The following SGIP1 variants were observed in gnomAD, a reference collection of about 807,000 sequenced individuals.
SGIP1 encodes the protein SH3-containing GRB2-like protein 3-interacting protein 1.
In SGIP1, 38 loss-of-function variants were observed where a neutral mutation model predicts 107.5. The ratio of observed to expected loss-of-function variants is 0.35; its 90% CI spans 0.27 to 0.46. The LOEUF (loss-of-function observed/expected upper bound fraction) is 0.46. Among genes scored for constraint, SGIP1 ranks in the 20% least tolerant of loss-of-function variants. The pLI is 1.00. For synonymous variants in SGIP1, 365 were observed against 366.1 expected (o/e 1.00, Z 0.03); for missense variants, 929 against 1,019.5 (o/e 0.91, Z 1.21).
intron 1 of SGIP1, among the ~76,000 whole-genome samples, chr1:66,550,060 C>CT (rs926052766): frequency 6.6e-6 from 1 of 152,130 alleles, no homozygotes; most frequent in African/African-American, 2.4e-5. Flanking sequence ...CCACTCTGCT[C>CT]TATAAGCACC....
chr1:66,559,130 T>A (rs900058716), intron 1 of SGIP1, among the ~76,000 whole-genome samples: 1 of 152,120 alleles, frequency 6.6e-6, no homozygotes, highest in African/African-American at 2.4e-5. Flanking sequence ...TGGGCAATGC[T>A]TCTTCAAATT....
intron 1 of SGIP1, among the ~76,000 whole-genome samples, chr1:66,619,361 G>T (rs17129189): frequency 0.012 from 1,900 of 152,342 alleles, 56 homozygotes; most frequent in Admixed American, 0.066. Context: ...GGTGAGTAAG[G>T]AAGGTGGGTA....
chr1:66,617,824 C>T (rs1285646498), intron 1 of SGIP1, among the ~76,000 whole-genome samples: 2 of 151,930 alleles, frequency 1.3e-5, no homozygotes, highest in African/African-American at 2.4e-5. Context: ...CTAAAAATAT[C>T]TCTCCATTTT....
At chr1:66,664,739 GT>G (rs2082180850) in intron 8 of SGIP1, among the ~76,000 whole-genome samples, 1 of 152,160 alleles carries the variant, frequency 6.6e-6, no homozygotes, top group African/African-American at 2.4e-5. Context: ...CCTAGTTTTG[GT>G]TTTGGGAGGT....
At chr1:66,568,685 C>T (rs902308269) in intron 1 of SGIP1, among the ~76,000 whole-genome samples, 3 of 151,760 alleles carry the variant, frequency 2.0e-5, no homozygotes, top group Non-Finnish European at 2.9e-5. Context: ...AAGCAGGCTT[C>T]ATCCCTGGGA....
chr1:66,549,145 T>G (rs141284691), intron 1 of SGIP1, among the ~76,000 whole-genome samples: 18,955 of 78,898 alleles, frequency 0.24, 1,353 homozygotes, highest in East Asian at 0.48. Flanking sequence ...CTGCCTTCCT[T>G]CCTTCCTTCC....
chr1:66,623,726 G>A (rs2071838209), intron 1 of SGIP1, among the ~76,000 whole-genome samples: 1 of 152,192 alleles, frequency 6.6e-6, no homozygotes, highest in African/African-American at 2.4e-5. Context: ...AAGGTGTGCA[G>A]ATTCTTTCGT....
rs1481315098 is a variant in SGIP1 at position 66,746,273 on chromosome 1, T to C, written c.*3178T>C. The C allele has an allele frequency of 1.3e-5, 2 of 152,210 alleles. No individual in the cohort carries two copies. Among genetic ancestry groups the C allele is most frequent in the African/African-American group, 4.8e-5 (2 of 41,464 alleles). The allele number at this position is 152,210 out of a possible 1,614,324, so 9.4% of individuals were successfully genotyped here. On this transcript the variant is annotated 3_prime_UTR_variant, in exon 25 of 25. Transcript: ENST00000371037. Reference sequence around the variant, plus strand: ...TAGAATGGGGAGTTGGGATTGCCAGTGGTTTTCAAGCTTTTCTTAACAGCA... The same window carrying C: ...TAGAATGGGGAGTTGGGATTGCCAGCGGTTTTCAAGCTTTTCTTAACAGCA...
chr1:66,725,659 T>A (rs1157564947), intron 19 of SGIP1, among the ~76,000 whole-genome samples: 2 of 152,204 alleles, frequency 1.3e-5, no homozygotes, highest in Non-Finnish European at 2.9e-5. Flanking sequence ...AAGCAAAATA[T>A]ATAAAACAAT....
intron 15 of SGIP1, among the ~76,000 whole-genome samples, chr1:66,686,877 C>T (rs988896201): frequency 7.9e-5 from 12 of 152,282 alleles, no homozygotes; most frequent in South Asian, 4.1e-4. Flanking sequence ...ATCATCATCA[C>T]GGGTATCTAC....
chr1:66,631,082 AG>A (rs2074522596), intron 2 of SGIP1, among the ~76,000 whole-genome samples: 1 of 143,508 alleles, frequency 7.0e-6, no homozygotes, highest in Non-Finnish European at 1.5e-5. Context: ...AAAGAAAGAA[AG>A]AAAGAAAGAA....
At chr1:66,565,236 C>G (rs758138160) in intron 1 of SGIP1, among the ~76,000 whole-genome samples, 7 of 151,974 alleles carry the variant, frequency 4.6e-5, no homozygotes, top group Non-Finnish European at 1.0e-4. Flanking sequence ...AACTTGTAAC[C>G]AAATTTATTG....
intron 7 of SGIP1, among the ~76,000 whole-genome samples, chr1:66,652,700 C>G (rs904148038): frequency 1.3e-5 from 2 of 151,944 alleles, no homozygotes; most frequent in Admixed American, 1.3e-4. Flanking sequence ...AACACCACCC[C>G]CTTTCCTGTC....
chr1:66,645,831 T>C (rs1386063110), intron 7 of SGIP1, among the ~76,000 whole-genome samples: 3 of 152,106 alleles, frequency 2.0e-5, no homozygotes, highest in African/African-American at 7.2e-5. Context: ...TAGATATAGA[T>C]ATAGATAGTT....
chr1:66,554,411 C>A (rs2057880851), intron 1 of SGIP1, among the ~76,000 whole-genome samples: 1 of 152,122 alleles, frequency 6.6e-6, no homozygotes, highest in Non-Finnish European at 1.5e-5. Context: ...GTTATCCATG[C>A]TACTGTAACC....
intron 12 of SGIP1, among the ~76,000 whole-genome samples, chr1:66,675,537 C>CTTT (rs141370211): frequency 0.24 from 25,524 of 105,666 alleles, 5,678 homozygotes; most frequent in East Asian, 0.67. Context: ...TTTTCTTTTT[C>CTTT]TTTCTTTTTT....
chr1:66,695,533 C>T lies in SGIP1; in HGVS notation c.1630+40C>T, dbSNP rs1471051237. 6 of 1,581,584 alleles carry T rather than the reference C, an allele frequency of 3.8e-6. No homozygotes were observed. The African/African-American group carries it at 5.4e-5, about 14-fold the overall frequency. On this transcript the variant is annotated intron_variant, in intron 18 of 24. Transcript: ENST00000371037. ...GCATACCAGATTCTAATTTATACTCCTCCTCATCCTTATTTCCCCATTTGC... is the reference window on the plus strand; with the variant it reads ...GCATACCAGATTCTAATTTATACTCTTCCTCATCCTTATTTCCCCATTTGC...
Position 66,677,119 on chromosome 1 carries a change from C to T in SGIP1, c.739+23C>T, listed in dbSNP as rs752053321. 1.9e-6 allele frequency: 3 copies of T among 1,586,462 alleles called. No individual in the cohort carries two copies. The East Asian group carries it at 6.7e-5, about 35-fold the overall frequency. On this transcript the variant is annotated intron_variant, in intron 13 of 24. Coordinates refer to ENST00000371037, the MANE Select transcript of SGIP1 (RefSeq NM_032291.4). ...GAAGTAAGTTATGTGTCTGCTCTGTCTGGAAAAATAAGTGACTCATTTTAG... is the reference window on the plus strand; with the variant it reads ...GAAGTAAGTTATGTGTCTGCTCTGTTTGGAAAAATAAGTGACTCATTTTAG...
chr1:66,591,698 T>C (rs1320414857), intron 1 of SGIP1, among the ~76,000 whole-genome samples: 2 of 152,188 alleles, frequency 1.3e-5, no homozygotes, highest in African/African-American at 4.8e-5. Context: ...GCGCTCAGCA[T>C]AGGGAGGACC....
Sources: allele counts gnomAD v4.1 joint callset (sites outside exome capture counted in the v4.1 genomes callset), GRCh38; gene constraint gnomAD v4.1.1; transcripts MANE v1.5; gene names NCBI Gene and HGNC (gene_info 2026-07-23, HGNC 2026-07-21).